The following FGGY variants were observed in gnomAD, a reference collection of about 807,000 sequenced individuals.
FGGY encodes the protein FGGY carbohydrate kinase domain containing, also known as FGGY carbohydrate kinase domain-containing protein.
Under a neutral mutation model 71.3 loss-of-function variants are expected in FGGY, and 72 were observed. That is an observed-to-expected ratio of 1.01 (90% confidence interval 0.84 to 1.23). FGGY has a LOEUF of 1.23. Among genes scored for constraint, FGGY ranks in the 50% most tolerant of loss-of-function variants. FGGY has a pLI of 0.00. For missense variants in FGGY, 668 were observed against 682.3 expected (o/e 0.98, Z 0.23); for synonymous variants, 251 against 250.3 (o/e 1.00, Z -0.02).
chr1:59,692,271 A>G (rs1558814602), intron 14 of FGGY, among the ~76,000 whole-genome samples: 1 of 152,226 alleles, frequency 6.6e-6, no homozygotes, highest in Admixed American at 6.5e-5. Flanking sequence ...TATGTTAAAT[A>G]TCACAACTAC....
chr1:59,348,418 C>T (rs2052565237), intron 4 of FGGY, among the ~76,000 whole-genome samples: 1 of 152,122 alleles, frequency 6.6e-6, no homozygotes, highest in Non-Finnish European at 1.5e-5. Flanking sequence ...GCTCCCATTT[C>T]CAGATGTTAG....
chr1:59,677,439 A>G (rs1187079367), intron 14 of FGGY, among the ~76,000 whole-genome samples: 1 of 152,184 alleles, frequency 6.6e-6, no homozygotes, highest in Non-Finnish European at 1.5e-5. Context: ...AGATAGGCCA[A>G]TTTTGGTAGA....
chr1:59,660,431 G>A, intron 12 of FGGY, 138 bp downstream of exon 12: 1 of 590,718 alleles, frequency 1.7e-6, no homozygotes, highest in Non-Finnish European at 2.8e-6. Flanking sequence ...AGAGATTCTT[G>A]TATGTCTGGA....
intron 14 of FGGY, 75 bp downstream of exon 14, chr1:59,674,208 A>G (rs2097412709): frequency 3.8e-6 from 4 of 1,047,324 alleles, no homozygotes; most frequent in Non-Finnish European, 4.3e-6. Context: ...AGCAGCTCGC[A>G]TTTTACAAAA....
At chr1:59,334,800 A>G (rs1164350440) in intron 2 of FGGY, among the ~76,000 whole-genome samples, 2 of 152,190 alleles carry the variant, frequency 1.3e-5, no homozygotes, top group Admixed American at 1.3e-4. Flanking sequence ...GTCATGTTTT[A>G]AGTTAATAGA....
At chr1:59,662,843 A>G (rs1572840732) in intron 12 of FGGY, among the ~76,000 whole-genome samples, 1 of 152,206 alleles carries the variant, frequency 6.6e-6, no homozygotes, top group Non-Finnish European at 1.5e-5. Context: ...TCACCTAACA[A>G]TGCATTTCTC....
chr1:59,539,078 A>T (rs2095396098), intron 7 of FGGY, among the ~76,000 whole-genome samples: 1 of 152,218 alleles, frequency 6.6e-6, no homozygotes, highest in South Asian at 2.1e-4. Flanking sequence ...GAAGATGTGT[A>T]AGACATCTAT....
chr1:59,418,723 T>C (rs1449434733), intron 5 of FGGY, among the ~76,000 whole-genome samples: 1 of 151,834 alleles, frequency 6.6e-6, no homozygotes, highest in Non-Finnish European at 1.5e-5. Flanking sequence ...TCTTTTTTTG[T>C]GTGTGTGTGT....
At chr1:59,565,648 A>G (rs1389366527) in intron 8 of FGGY, among the ~76,000 whole-genome samples, 2 of 152,182 alleles carry the variant, frequency 1.3e-5, no homozygotes, top group African/African-American at 4.8e-5. Context: ...TCTCAACAAT[A>G]AGCAGAATGA....
intron 5 of FGGY, among the ~76,000 whole-genome samples, chr1:59,409,421 C>T (rs2063248552): frequency 6.6e-6 from 1 of 152,166 alleles, no homozygotes; most frequent in Middle Eastern, 3.4e-3. Flanking sequence ...AATGTTCAGC[C>T]ATTATTCAAG....
chr1:59,599,189 C>T (rs1044858109), intron 8 of FGGY, among the ~76,000 whole-genome samples: 7 of 152,050 alleles, frequency 4.6e-5, no homozygotes, highest in African/African-American at 1.7e-4. Context: ...CTGTAACCTC[C>T]ACCTCCTGGG....
chr1:59,585,699 A>C (rs1214286783), intron 8 of FGGY, among the ~76,000 whole-genome samples: 2 of 152,240 alleles, frequency 1.3e-5, no homozygotes, highest in Non-Finnish European at 2.9e-5. Context: ...GAGCTTCTGC[A>C]CAGCAAAAGA....
intron 7 of FGGY, among the ~76,000 whole-genome samples, chr1:59,512,833 G>A (rs904880456): frequency 6.6e-6 from 1 of 152,072 alleles, no homozygotes; most frequent in African/African-American, 2.4e-5. Flanking sequence ...TTTGGCTTAT[G>A]TCCTGTATCC....
chr1:59,617,089 T>C (rs1276362937), intron 9 of FGGY, among the ~76,000 whole-genome samples: 2 of 152,192 alleles, frequency 1.3e-5, no homozygotes, highest in Non-Finnish European at 2.9e-5. Context: ...ATCTTTTTTA[T>C]TCCCGCTTGC....
At chr1:59,611,966 A>G (rs1377335231) in intron 9 of FGGY, among the ~76,000 whole-genome samples, 2 of 152,198 alleles carry the variant, frequency 1.3e-5, no homozygotes, top group Non-Finnish European at 2.9e-5. Flanking sequence ...ATAAAAAGAG[A>G]CGAACAAAGC....
chr1:59,566,104 G>C (rs765363978), intron 8 of FGGY, among the ~76,000 whole-genome samples: 5 of 151,914 alleles, frequency 3.3e-5, no homozygotes, highest in Non-Finnish European at 7.4e-5. Context: ...CACATCTGTT[G>C]TGTGGGTGAT....
intron 7 of FGGY, among the ~76,000 whole-genome samples, chr1:59,527,205 T>G (rs887648837): frequency 1.3e-5 from 2 of 152,252 alleles, no homozygotes; most frequent in Non-Finnish European, 2.9e-5. Flanking sequence ...AGATACCATC[T>G]CATTTTAAGC....
intron 5 of FGGY, among the ~76,000 whole-genome samples, chr1:59,391,684 T>C (rs1371424593): frequency 6.6e-6 from 1 of 152,178 alleles, no homozygotes; most frequent in Non-Finnish European, 1.5e-5. Context: ...TAAAGCTTTT[T>C]CCCCAGTTCT....
chr1:59,348,815 T>C (rs1404272719), intron 4 of FGGY, among the ~76,000 whole-genome samples: 2 of 152,208 alleles, frequency 1.3e-5, no homozygotes, highest in African/African-American at 2.4e-5. Context: ...TAAAGGCTTC[T>C]GTGGTTGCTA....
Sources: allele counts gnomAD v4.1 joint callset (sites outside exome capture counted in the v4.1 genomes callset), GRCh38; gene constraint gnomAD v4.1.1; transcripts MANE v1.5; gene names NCBI Gene and HGNC (gene_info 2026-07-23, HGNC 2026-07-21).